Variants in ZFR2 observed in about 807,000 individuals in gnomAD.
ZFR2 encodes zinc finger RNA-binding protein 2.
Under a neutral mutation model 105.7 loss-of-function variants are expected in ZFR2, and 104 were observed. That is an observed-to-expected ratio of 0.98 (90% CI 0.84 to 1.16). ZFR2 has a LOEUF of 1.16. Among genes scored for constraint, ZFR2 ranks in the 50% most tolerant of loss-of-function variants. ZFR2 has a pLI of 0.00. For synonymous variants in ZFR2, 634 were observed against 597.7 expected, an observed-to-expected ratio of 1.06 and a Z score of -0.89; for missense variants, 1,425 against 1,355.5, an observed-to-expected ratio of 1.05 and a Z score of -0.80.
chr19:3,834,084 C>T lies in ZFR2; in HGVS notation c.265-306G>A, dbSNP rs1196019051. ...GGGCGGGTTTGCAGGGAGAAGCCCC[C>T]GAGGCCTTGGCAAGGAAATGGAGAG... is the stretch of plus-strand genomic sequence containing the variant. On this transcript the variant is annotated intron_variant, in intron 2 of 18. Coordinates refer to ENST00000262961, the MANE Select transcript of ZFR2 (RefSeq NM_015174.2). The surrounding 1 kb of genome is among the most constrained non-coding windows in gnomAD (Gnocchi z 5.3). Among the ~76,000 whole-genome samples, 1 of 152,058 alleles carries T rather than the reference C, an allele frequency of 6.6e-6. No individual in the cohort carries two copies. Among genetic ancestry groups the T allele is most frequent in the East Asian group, 1.9e-4 (1 of 5,188 alleles).
Position 3,821,477 on chromosome 19 carries a change from C to T in ZFR2, c.1494G>A (p.Lys498=), listed in dbSNP as rs749311927. The T allele has an allele frequency of 6.2e-7, 1 of 1,600,332 alleles. No individual in the cohort carries two copies. Among genetic ancestry groups the T allele is most frequent in the Non-Finnish European group, 8.5e-7 (1 of 1,171,158 alleles). Residue 498 remains lysine (K), a splice_region_variant and synonymous_variant, in exon 10 of 19, where the codon AAG becomes AAA. Transcript: ENST00000262961. Reference sequence around the variant, plus strand: ...CAATGGGAAGGTCCGGGTTCACTTTCTTCTGGAAAGGACAGGCAAGGCTCT... The same window carrying T: ...CAATGGGAAGGTCCGGGTTCACTTTTTTCTGGAAAGGACAGGCAAGGCTCT... The part of the protein sequence containing the change: ...RGRRHRLQYR[K]KVNPDLPIAT...
At chr19:3,815,383 C>A (rs936290378) in intron 13 of ZFR2, among the ~76,000 whole-genome samples, 3 of 152,212 alleles carry the variant, frequency 2.0e-5, no homozygotes, top group Non-Finnish European at 2.9e-5. Context: ...AGCCACCACG[C>A]CAGGCCCGAT....
At chr19:3,868,898 G>A (rs1599264166) in intron 1 of ZFR2, 67 bp downstream of exon 1, 3 of 1,183,716 alleles carry the variant, frequency 2.5e-6, no homozygotes, top group East Asian at 6.5e-5. Flanking sequence ...GGGAGAAGGG[G>A]TAGGCGGGGT....
rs566970041 is a variant in ZFR2 at position 3,834,258 on chromosome 19, A to C, written c.265-480T>G. Among the ~76,000 whole-genome samples, 1 of 152,136 alleles carries C rather than the reference A, an allele frequency of 6.6e-6. No individual in the cohort carries two copies. The highest frequency in any genetic ancestry group is 1.5e-5 in the Non-Finnish European group (1 of 68,018). ...CACGGGGGACATCTTTGCGACACCA[A>C]GTGGGAACACGGTGGCTGGATCTGC... On this transcript the variant is annotated intron_variant, in intron 2 of 18. Transcript: ENST00000262961. The surrounding 1 kb of genome is among the most constrained non-coding windows in gnomAD (Gnocchi z 5.3).
chr19:3,815,459 T>C (rs1285340677), intron 13 of ZFR2, among the ~76,000 whole-genome samples: 1 of 152,208 alleles, frequency 6.6e-6, no homozygotes, highest in Non-Finnish European at 1.5e-5. Flanking sequence ...ATGAAAATTC[T>C]CTAGAGGAAA....
intron 1 of ZFR2, among the ~76,000 whole-genome samples, chr19:3,845,471 T>C (rs928761637): frequency 1.5e-5 from 2 of 135,576 alleles, no homozygotes; most frequent in African/African-American, 2.8e-5. Context: ...AAGAAGAAAA[T>C]TTCAAAAAAA....
In ZFR2 at chr19:3,834,735, G is replaced by A. The variant is rs10427018; in HGVS notation, c.264+38C>T. On this transcript the variant is annotated intron_variant, in intron 2 of 18. Transcript: ENST00000262961. The surrounding 1 kb of genome is among the most constrained non-coding windows in gnomAD (Gnocchi z 5.3). ...CTCTCACCCATGCAAGGCGACCCAC[G>A]TTTCCCGGCAACGCTGGTCAAAGAA... is the stretch of plus-strand genomic sequence containing the variant. 2.1e-4 allele frequency: 342 copies of A among 1,600,740 alleles called. No individual in the cohort carries two copies. In the African/African-American group the frequency reaches 3.4e-3, roughly 16 times the overall value.
intron 1 of ZFR2, among the ~76,000 whole-genome samples, chr19:3,843,282 C>T (rs1486881093): frequency 6.6e-6 from 1 of 151,210 alleles, no homozygotes; most frequent in Non-Finnish European, 1.5e-5. Flanking sequence ...ACCAGCCTGG[C>T]CAACATGGTG....
intron 14 of ZFR2, among the ~76,000 whole-genome samples, chr19:3,811,973 T>C (rs2037769951): frequency 6.6e-6 from 1 of 152,108 alleles, no homozygotes; most frequent in Non-Finnish European, 1.5e-5. Context: ...AGATGGAGTC[T>C]CACTCTGTTG....
Position 3,806,034 on chromosome 19 carries a change from C to A in ZFR2, c.2735G>T (p.Arg912Leu), listed in dbSNP as rs762867097. The stretch of plus-strand genomic sequence containing the variant: ...CTCGCCAGGTCCCCGTTGCCTCTTC[C>A]GGAAGCGGGCCCCCAGCCGGTGTCT... Reference protein sequence around the residue: ...PPRHRLGARFRKRQRGPGEGE... With the variant: ...PPRHRLGARFLKRQRGPGEGE... The change falls in exon 19 of 19, where the codon CGG becomes CTG. Residue 912 changes from arginine to leucine, a missense_variant. Arg to Leu is a moderately radical substitution (Grantham distance 102, BLOSUM62 -2). Coordinates refer to ENST00000262961, the MANE Select transcript of ZFR2 (RefSeq NM_015174.2). 6.5e-7 allele frequency: 1 copy of A among 1,541,992 alleles called. No homozygotes were observed. The highest frequency in any genetic ancestry group is 2.5e-5 in the East Asian group (1 of 40,544).
chr19:3,868,932 G>A (rs978730536), intron 1 of ZFR2, 33 bp downstream of exon 1: 2 of 1,283,438 alleles, frequency 1.6e-6, no homozygotes, highest in Non-Finnish European at 9.9e-7. Context: ...CAGGGGCCGG[G>A]ACTGGCGGGG....
rs781162219 is a variant in ZFR2, at chr19:3,819,238, G to A, written c.1741-3C>T. 3.3e-6 allele frequency: 5 copies of A among 1,531,408 alleles called. No individual in the cohort carries two copies. Among genetic ancestry groups the A allele is most frequent in the Non-Finnish European group, 4.4e-6 (5 of 1,148,232 alleles). The allele number at this position is 1,531,408 out of a possible 1,614,324, so 94.9% of individuals were successfully genotyped here. A position where few individuals can be genotyped will look rare whatever the true frequency, so the allele number is the denominator to read the frequency against. On this transcript the variant is annotated splice_region_variant and splice_polypyrimidine_tract_variant and intron_variant, in intron 11 of 18. Transcript: ENST00000262961. ...CTGGACGCCGGCCGCCGCCCGGGCTGTGGGGAGAGGCCGCACGTGTCAAGG... is the reference window on the plus strand; with the variant it reads ...CTGGACGCCGGCCGCCGCCCGGGCTATGGGGAGAGGCCGCACGTGTCAAGG...
chr19:3,863,966 A>G (rs1194039631), intron 1 of ZFR2, among the ~76,000 whole-genome samples: 1 of 152,158 alleles, frequency 6.6e-6, no homozygotes, highest in African/African-American at 2.4e-5. Context: ...CTCACCTCAC[A>G]CAGAGAATCA....
intron 5 of ZFR2, among the ~76,000 whole-genome samples, chr19:3,830,930 C>T (rs1418242595): frequency 2.0e-5 from 3 of 151,932 alleles, no homozygotes; most frequent in South Asian, 4.2e-4. Context: ...CACACATACA[C>T]ATGCAGGCAT....
intron 1 of ZFR2, among the ~76,000 whole-genome samples, chr19:3,835,548 T>C (rs1255340423): frequency 6.6e-6 from 1 of 150,428 alleles, no homozygotes; most frequent in Non-Finnish European, 1.5e-5. Context: ...TTAACTAGGA[T>C]GGTCTCAACC....
intron 7 of ZFR2, among the ~76,000 whole-genome samples, chr19:3,824,911 T>C (rs1270697704): frequency 6.6e-6 from 1 of 152,196 alleles, no homozygotes; most frequent in African/African-American, 2.4e-5. Flanking sequence ...CACTCCAGCC[T>C]GGAGGACAGA....
chr19:3,821,574 G>A, intron 9 of ZFR2, 95 bp from the exon 10 acceptor site: 2 of 828,402 alleles, frequency 2.4e-6, no homozygotes. Context: ...CCAGAGACTA[G>A]AACTGTTGGG....
At chr19:3,810,592 G>T (rs947024651) in intron 16 of ZFR2, among the ~76,000 whole-genome samples, 158 bp downstream of exon 16, 7 of 152,256 alleles carry the variant, frequency 4.6e-5, no homozygotes, top group Non-Finnish European at 7.3e-5. Context: ...CGTCTCCCCC[G>T]CAAGGGGACC....
intron 18 of ZFR2, 133 bp downstream of exon 18, chr19:3,807,039 C>T (rs994056615): frequency 1.5e-6 from 1 of 686,000 alleles, no homozygotes; most frequent in Non-Finnish European, 2.4e-6. Flanking sequence ...CACCCACGGG[C>T]CGCCCTCCTG....
Sources: allele counts gnomAD v4.1 joint callset (sites outside exome capture counted in the v4.1 genomes callset), GRCh38; gene constraint gnomAD v4.1.1; non-coding constraint Gnocchi (gnomAD v3.1); transcripts MANE v1.5; gene names NCBI Gene and HGNC (gene_info 2026-07-23, HGNC 2026-07-21).